Variants in CTNNA2 observed in about 807,000 individuals in gnomAD.
CTNNA2 encodes catenin alpha 2.
A neutral mutation model predicts 101.0 loss-of-function variants in CTNNA2; 42 were observed. That is an observed-to-expected ratio of 0.42 (90% CI 0.32 to 0.54). The LOEUF is 0.54. Ranked by LOEUF, CTNNA2 falls within the 20% of genes least tolerant of loss-of-function variation. The probability of loss-of-function intolerance (pLI) is 0.14; values close to 1 mark genes in which losing one functional copy is unlikely to be tolerated. For missense variants in CTNNA2, 871 were observed against 1,223.1 expected (o/e 0.71, Z 4.29); for synonymous variants, 450 against 456.4 (o/e 0.99, Z 0.18).
chr2:80,537,596 CTT>C (rs34006040), intron 9 of CTNNA2, among the ~76,000 whole-genome samples: 7 of 143,162 alleles, frequency 4.9e-5, no homozygotes, highest in Non-Finnish European at 3.1e-5. Context: ...TGTTTCCTGA[CTT>C]TTTTTTTTTT....
intron 18 of CTNNA2, among the ~76,000 whole-genome samples, chr2:80,635,464 G>GA (rs1244146666): frequency 6.6e-6 from 1 of 152,110 alleles, no homozygotes; most frequent in African/African-American, 2.4e-5. Context: ...TTTCTGTAAT[G>GA]AAAAAAGAGT....
At position 80,411,443 on chromosome 2, in the gene CTNNA2, G is replaced by T. The variant is rs1399960936; in HGVS notation, c.1138-8006G>T. Among the ~76,000 whole-genome samples the T allele has an allele frequency of 2.0e-5, 3 of 152,046 alleles. 1 individual carries two copies. Among genetic ancestry groups the T allele is most frequent in the African/African-American group, 7.2e-5 (3 of 41,398 alleles). On this transcript the variant is annotated intron_variant, in intron 8 of 18. Coordinates refer to ENST00000402739, the MANE Select transcript of CTNNA2 (RefSeq NM_001282597.3). ...ATCTTATGGTGTCCATCTGCCATGG[G>T]TTCTCTTCTTTTATCCTCTCCACAG...
chr2:80,232,355 T>G (rs796999351), intron 7 of CTNNA2, among the ~76,000 whole-genome samples: 78 of 15,174 alleles, frequency 5.1e-3, no homozygotes, highest in African/African-American at 0.022. Flanking sequence ...GTTTTTTTTT[T>G]TTTTTTTTTT....
At chr2:80,097,756 T>TAA (rs1423826025) in intron 7 of CTNNA2, among the ~76,000 whole-genome samples, 1 of 152,218 alleles carries the variant, frequency 6.6e-6, no homozygotes, top group Non-Finnish European at 1.5e-5. Context: ...TTCATTCATT[T>TAA]CGTCTTCCAT....
chr2:80,361,664 T>G (rs1310304733), intron 7 of CTNNA2, among the ~76,000 whole-genome samples: 2 of 152,080 alleles, frequency 1.3e-5, no homozygotes, highest in African/African-American at 2.4e-5. Flanking sequence ...CTGTGATGAA[T>G]AGGGAGGTGC....
chr2:79,981,403 G>T (rs1280495150), intron 7 of CTNNA2, among the ~76,000 whole-genome samples: 1 of 152,060 alleles, frequency 6.6e-6, no homozygotes, highest in Non-Finnish European at 1.5e-5. Context: ...CCCAAGTTAT[G>T]GTGGGAGAAT....
At chr2:80,375,562 CTTTT>C (rs199662476) in intron 7 of CTNNA2, among the ~76,000 whole-genome samples, 2 of 105,612 alleles carry the variant, frequency 1.9e-5, no homozygotes, top group South Asian at 3.3e-4. Flanking sequence ...TTTCTGGCTT[CTTTT>C]TTTTTTTTTT....
At chr2:80,126,790 A>G (rs1702160571) in intron 7 of CTNNA2, among the ~76,000 whole-genome samples, 1 of 151,876 alleles carries the variant, frequency 6.6e-6, no homozygotes, top group South Asian at 2.1e-4. Context: ...GTCTGATTTA[A>G]TCTCAACTAC....
intron 4 of CTNNA2, among the ~76,000 whole-genome samples, chr2:79,864,692 C>G (rs978833459): frequency 2.0e-5 from 3 of 152,122 alleles, no homozygotes; most frequent in Admixed American, 6.5e-5. Context: ...GTGAATAGAA[C>G]TTGGAGACCA....
intron 6 of CTNNA2, among the ~76,000 whole-genome samples, chr2:79,884,279 G>A (rs181327036): frequency 1.4e-3 from 210 of 152,196 alleles, no homozygotes; most frequent in Non-Finnish European, 2.1e-3. Flanking sequence ...TACAGAAAAT[G>A]TATTCCAATT....
chr2:80,294,840 C>T (rs945455837), intron 7 of CTNNA2, among the ~76,000 whole-genome samples: 3 of 152,098 alleles, frequency 2.0e-5, no homozygotes, highest in Non-Finnish European at 4.4e-5. Flanking sequence ...CGAATTCCTT[C>T]TTCTCATAAC....
intron 7 of CTNNA2, among the ~76,000 whole-genome samples, chr2:80,169,079 C>A (rs1704881398): frequency 6.6e-6 from 1 of 152,198 alleles, no homozygotes; most frequent in African/African-American, 2.4e-5. Context: ...CTTTATCCTG[C>A]ACCACACTAT....
At chr2:79,799,391 GAA>G in intron 3 of CTNNA2, among the ~76,000 whole-genome samples, 1 of 152,224 alleles carries the variant, frequency 6.6e-6, no homozygotes, top group East Asian at 1.9e-4. Flanking sequence ...GATGCAGACT[GAA>G]GAGGAACCTT....
At chr2:79,723,095 G>A (rs1394686469) in intron 2 of CTNNA2, among the ~76,000 whole-genome samples, 2 of 152,098 alleles carry the variant, frequency 1.3e-5, no homozygotes, top group Non-Finnish European at 2.9e-5. Context: ...TTTTGCTTTA[G>A]TATTTCCATA....
intron 7 of CTNNA2, among the ~76,000 whole-genome samples, chr2:80,137,515 C>A (rs544109447): frequency 7.2e-5 from 11 of 152,184 alleles, no homozygotes; most frequent in African/African-American, 2.4e-4. Context: ...AGACTTAAGA[C>A]TCCCTGGACT....
At chr2:80,320,036 G>T (rs757980401) in intron 7 of CTNNA2, among the ~76,000 whole-genome samples, 8 of 152,200 alleles carry the variant, frequency 5.3e-5, no homozygotes, top group Non-Finnish European at 8.8e-5. Context: ...GACATTTGGC[G>T]ATTGCCTTCA....
chr2:79,715,428 G>C (rs1686028112), intron 2 of CTNNA2, among the ~76,000 whole-genome samples: 1 of 152,080 alleles, frequency 6.6e-6, no homozygotes, highest in African/African-American at 2.4e-5. Flanking sequence ...GTACAGTAAA[G>C]AATCTTCCAA....
chr2:80,592,169 C>G (rs1034455542), intron 15 of CTNNA2, among the ~76,000 whole-genome samples: 2 of 152,172 alleles, frequency 1.3e-5, no homozygotes, highest in Non-Finnish European at 2.9e-5. Context: ...CAGAGTACAA[C>G]TGACTGTAAA....
intron 3 of CTNNA2, among the ~76,000 whole-genome samples, chr2:79,370,569 T>C (rs1236428748): frequency 1.3e-5 from 2 of 152,120 alleles, no homozygotes; most frequent in Non-Finnish European, 2.9e-5. Context: ...AAAATGAACC[T>C]ATCTTTGCAC....
Sources: gnomAD v4.1 joint callset for allele counts (sites outside exome capture counted in the v4.1 genomes callset) on GRCh38, gnomAD v4.1.1 for gene constraint, MANE v1.5 for transcripts, NCBI Gene and HGNC (gene_info 2026-07-23, HGNC 2026-07-21) for gene names.